The following KLHL13 variants were observed in gnomAD, a reference collection of about 807,000 sequenced individuals.
KLHL13 encodes kelch-like protein 13.
In KLHL13, 10 loss-of-function variants were observed where a neutral mutation model predicts 37.1. That is an observed-to-expected ratio of 0.27 (90% CI 0.17 to 0.46). The LOEUF (loss-of-function observed/expected upper bound fraction) is 0.46. KLHL13 is among the 20% of genes least tolerant of loss of function. KLHL13 has a pLI of 1.00. For synonymous variants in KLHL13, 163 were observed against 181.2 expected (o/e 0.90, Z 0.81); for missense variants, 360 against 509.3 (o/e 0.71, Z 2.82).
chrX:117,903,170 A>AG (rs1387887937), intron 5 of KLHL13, among the ~76,000 whole-genome samples: 265 of 100,824 alleles, frequency 2.6e-3, no homozygotes, highest in African/African-American at 9.7e-3. Flanking sequence ...AGAGAGAGAG[A>AG]GAGGAGAGCG....
chrX:117,919,472 G>T, intron 4 of KLHL13, 49 bp downstream of exon 5: 1 of 1,010,448 alleles, frequency 9.9e-7, no homozygotes, highest in South Asian at 1.9e-5. Flanking sequence ...TCCTAAACAG[G>T]CTACATCAGA....
chrX:117,958,359 C>G (rs992212355), intron 1 of KLHL13, among the ~76,000 whole-genome samples: 1 of 109,908 alleles, frequency 9.1e-6, no homozygotes, highest in African/African-American at 3.3e-5. Context: ...TGCTCTTTTT[C>G]TCTCTCTCTT....
chrX:118,091,898 G>T (rs932102283), intron 1 of KLHL13, among the ~76,000 whole-genome samples: 1 of 111,990 alleles, frequency 8.9e-6, no homozygotes, highest in Admixed American at 9.5e-5. Context: ...ACAGCAACCT[G>T]GATAAAGGTA....
intron 1 of KLHL13, among the ~76,000 whole-genome samples, chrX:118,015,000 A>T (rs1032608473): frequency 1.8e-5 from 2 of 112,399 alleles, no homozygotes; most frequent in African/African-American, 3.2e-5. Context: ...AGCATTTACC[A>T]TATGACAGGA....
intron 1 of KLHL13, among the ~76,000 whole-genome samples, chrX:118,049,719 C>G (rs1265120280): frequency 9.0e-6 from 1 of 111,585 alleles, no homozygotes; most frequent in Non-Finnish European, 1.9e-5. Context: ...ATTTTAAGTA[C>G]ATGATCAGCC....
intron 1 of KLHL13, among the ~76,000 whole-genome samples, chrX:118,042,919 G>GAA (rs376795223): frequency 4.1e-5 from 4 of 98,343 alleles, no homozygotes; most frequent in African/African-American, 7.4e-5. Context: ...ACATTGAAAT[G>GAA]AAAAAAAAAA....
At chrX:117,961,560 C>G (rs925879724) in intron 1 of KLHL13, among the ~76,000 whole-genome samples, 1 of 111,282 alleles carries the variant, frequency 9.0e-6, no homozygotes, top group Non-Finnish European at 1.9e-5. Context: ...TGAAATGGGG[C>G]GTGTCTTGTT....
At chrX:118,086,695 C>T (rs1474866469) in intron 1 of KLHL13, among the ~76,000 whole-genome samples, 1 of 111,674 alleles carries the variant, frequency 9.0e-6, no homozygotes, top group East Asian at 2.8e-4. Flanking sequence ...GCATAGAAAA[C>T]ATCTGTAAGC....
At chrX:117,985,235 C>G (rs1602625959) in intron 1 of KLHL13, 3 of 1,130,616 alleles carry the variant, frequency 2.7e-6, no homozygotes, top group Non-Finnish European at 2.3e-6. Flanking sequence ...AGAAAGGTCT[C>G]TTACCAATAA....
intron 5 of KLHL13, among the ~76,000 whole-genome samples, chrX:117,906,062 C>T (rs1930510753): frequency 2.7e-5 from 3 of 111,399 alleles, no homozygotes; most frequent in Non-Finnish European, 5.7e-5. Flanking sequence ...GCCACCCATT[C>T]CCATCACCTC....
intron 5 of KLHL13, among the ~76,000 whole-genome samples, chrX:117,907,313 T>C (rs1930612085): frequency 9.0e-6 from 1 of 111,154 alleles, no homozygotes; most frequent in Admixed American, 9.6e-5. Flanking sequence ...GCCTGAAGAT[T>C]AAAAACTCCC....
chrX:117,904,784 G>T (rs765691238), intron 5 of KLHL13, among the ~76,000 whole-genome samples: 1 of 111,194 alleles, frequency 9.0e-6, no homozygotes, highest in South Asian at 3.8e-4. Context: ...AGATTTAATG[G>T]CCCACAAAGC....
At chrX:117,975,477 G>A (rs1220581172), upstream of KLHL13, among the ~76,000 whole-genome samples, 1 of 111,552 alleles carries the variant, frequency 9.0e-6, no homozygotes, top group Non-Finnish European at 1.9e-5. Context: ...TGCAACCTCT[G>A]CCTTTCAGGT....
chrX:118,082,440 A>G (rs1407210450), intron 1 of KLHL13, among the ~76,000 whole-genome samples: 1 of 110,969 alleles, frequency 9.0e-6, no homozygotes, highest in African/African-American at 3.3e-5. Context: ...TCTTTTGCCA[A>G]TTTTTTAATC....
intron 1 of KLHL13, among the ~76,000 whole-genome samples, chrX:118,097,419 C>G (rs6645446): frequency 0.25 from 27,941 of 110,057 alleles, 6,093 homozygotes; most frequent in African/African-American, 0.72. Context: ...ACTGCTCAAG[C>G]AAATAAAAGA....
upstream of KLHL13, among the ~76,000 whole-genome samples, chrX:117,974,969 G>T (rs1179241257): frequency 4.5e-5 from 5 of 111,704 alleles, no homozygotes; most frequent in Non-Finnish European, 9.4e-5. Flanking sequence ...ATTGTCAAAT[G>T]AGTCAGAGAA....
chrX:118,043,926 C>T (rs181631520), intron 1 of KLHL13, among the ~76,000 whole-genome samples: 2 of 111,627 alleles, frequency 1.8e-5, no homozygotes, highest in East Asian at 2.8e-4. Context: ...TAAAGGCTTA[C>T]AAAATGGAAA....
intron 1 of KLHL13, among the ~76,000 whole-genome samples, chrX:118,059,559 T>C (rs1310352450): frequency 5.4e-5 from 6 of 112,007 alleles, no homozygotes; most frequent in Non-Finnish European, 9.4e-5. Context: ...TCATTTTTAA[T>C]GAAGAAAGTG....
intron 1 of KLHL13, among the ~76,000 whole-genome samples, chrX:117,972,535 A>G (rs139530090): frequency 0.085 from 9,607 of 112,697 alleles, 358 homozygotes; most frequent in Middle Eastern, 0.14. Context: ...AACACTTTAA[A>G]TAAACATAAA....
Sources: allele counts gnomAD v4.1 joint callset (sites outside exome capture counted in the v4.1 genomes callset), GRCh38; gene constraint gnomAD v4.1.1; transcripts MANE v1.5; gene names NCBI Gene and HGNC (gene_info 2026-07-23, HGNC 2026-07-21).